The following TTC29 variants were observed in gnomAD, a reference collection of about 807,000 sequenced individuals.
TTC29 encodes the protein tetratricopeptide repeat domain 29.
In TTC29, 49 loss-of-function variants were observed where a neutral mutation model predicts 58.1. The observed-to-expected ratio is 0.84, with a 90% CI of 0.67 to 1.07. The LOEUF (loss-of-function observed/expected upper bound fraction) is 1.07, where lower values mean the gene tolerates loss of function less well. Ranked by LOEUF, TTC29 falls within the 50% of genes least tolerant of loss-of-function variation. The pLI, the probability that TTC29 is intolerant of heterozygous loss-of-function variation, is 0.00. For synonymous variants in TTC29, 209 were observed against 196.8 expected (o/e 1.06, Z -0.52); for missense variants, 582 against 555.6 (o/e 1.05, Z -0.48).
At chr4:146,879,214 A>G (rs1224244462) in intron 6 of TTC29, among the ~76,000 whole-genome samples, 1 of 152,214 alleles carries the variant, frequency 6.6e-6, no homozygotes, top group Non-Finnish European at 1.5e-5. Context: ...TTTAAAGCAT[A>G]TATTATGATA....
At chr4:146,913,381 GTGCTTT>G (rs1734019023) in intron 4 of TTC29, among the ~76,000 whole-genome samples, 1 of 152,116 alleles carries the variant, frequency 6.6e-6, no homozygotes, top group African/African-American at 2.4e-5. Flanking sequence ...GAAGATGAAG[GTGCTTT>G]TGCTGGATTT....
At chr4:146,759,485 A>G (rs1447885543) in intron 11 of TTC29, among the ~76,000 whole-genome samples, 2 of 152,084 alleles carry the variant, frequency 1.3e-5, no homozygotes, top group Non-Finnish European at 2.9e-5. Context: ...ATAACCAAAA[A>G]AGAAAACTAC....
At chr4:146,844,949 G>C (rs781038390) in intron 8 of TTC29, among the ~76,000 whole-genome samples, 1 of 152,188 alleles carries the variant, frequency 6.6e-6, no homozygotes, top group Non-Finnish European at 1.5e-5. Context: ...CAACTGACTC[G>C]TGTCAGCAGA....
At chr4:146,862,620 C>T (rs564062287) in intron 8 of TTC29, among the ~76,000 whole-genome samples, 1 of 152,278 alleles carries the variant, frequency 6.6e-6, no homozygotes, top group African/African-American at 2.4e-5. Context: ...TTGGCTTCTG[C>T]AAGTCTACAG....
chr4:146,738,375 G>A (rs754561364), intron 11 of TTC29, among the ~76,000 whole-genome samples: 3 of 152,188 alleles, frequency 2.0e-5, no homozygotes, highest in Non-Finnish European at 4.4e-5. Context: ...GGGGGAAGCT[G>A]TGTATTTGCC....
At chr4:146,893,135 C>T (rs1732500487) in intron 6 of TTC29, among the ~76,000 whole-genome samples, 1 of 152,174 alleles carries the variant, frequency 6.6e-6, no homozygotes, top group Non-Finnish European at 1.5e-5. Context: ...AGTGCCATCC[C>T]CATCAAGCTA....
At chr4:146,942,577 A>G in intron 2 of TTC29, 1 of 1,529,260 alleles carries the variant, frequency 6.5e-7, no homozygotes. Context: ...GCCTCCCAAG[A>G]GCTTACTTCA....
rs536603142 is a variant in TTC29 at position 146,852,720 on chromosome 4, T to C, written c.885+14778A>G. 5.9e-5 allele frequency among the ~76,000 whole-genome samples: 9 copies of C among 152,350 alleles called. No homozygotes were observed. The South Asian group carries it at 1.9e-3, about 32-fold the overall frequency. On this transcript the variant is annotated intron_variant, in intron 8 of 12. Transcript: ENST00000325106. ...ATGCAGTCTTGCACTACAGGAACAA[T>C]CTACCTGACCAAAAAGAAACTTCTC...
chr4:146,830,394 G>A lies in TTC29; in HGVS notation c.977+3412C>T, dbSNP rs541193143. 6.6e-5 allele frequency among the ~76,000 whole-genome samples: 10 copies of A among 152,154 alleles called. No individual in the cohort carries two copies. In the South Asian group the frequency reaches 2.1e-3, roughly 32 times the overall value. On this transcript the variant is annotated intron_variant, in intron 9 of 12. Transcript: ENST00000325106. Reference sequence around the variant, plus strand: ...GATTGTGGTGTGTTTTTCAATTGAGGGCTTAGTATAAATTCTTATAACCAT... The same window carrying A: ...GATTGTGGTGTGTTTTTCAATTGAGAGCTTAGTATAAATTCTTATAACCAT...
intron 2 of TTC29, among the ~76,000 whole-genome samples, chr4:146,943,518 G>C (rs1033616044): frequency 6.6e-6 from 1 of 152,120 alleles, no homozygotes; most frequent in Non-Finnish European, 1.5e-5. Flanking sequence ...AGTTGAACAG[G>C]CTTTCTCTTT....
chr4:146,909,846 C>T (rs1579964113), intron 4 of TTC29, among the ~76,000 whole-genome samples: 4 of 151,988 alleles, frequency 2.6e-5, no homozygotes, highest in Admixed American at 6.6e-5. Flanking sequence ...TTTAGTCAAG[C>T]GACAAATAGG....
chr4:146,711,382 A>G (rs1329604128), intron 11 of TTC29, among the ~76,000 whole-genome samples: 1 of 152,150 alleles, frequency 6.6e-6, no homozygotes, highest in Admixed American at 6.6e-5. Flanking sequence ...TAAAGGGATT[A>G]CTTTTGAATA....
chr4:146,747,295 C>T (rs2150042836), intron 11 of TTC29, among the ~76,000 whole-genome samples: 1 of 152,268 alleles, frequency 6.6e-6, no homozygotes, highest in East Asian at 1.9e-4. Context: ...ACTGGAGCCA[C>T]TGCTAGAGTG....
At chr4:146,932,189 T>A (rs1488022306) in intron 4 of TTC29, among the ~76,000 whole-genome samples, 1 of 152,154 alleles carries the variant, frequency 6.6e-6, no homozygotes, top group Non-Finnish European at 1.5e-5. Context: ...TTTAAAAAAA[T>A]TCATGAGAAA....
chr4:146,744,226 AAGAG>A (rs150088714), intron 11 of TTC29, among the ~76,000 whole-genome samples: 1 of 151,218 alleles, frequency 6.6e-6, no homozygotes, highest in Admixed American at 6.6e-5. Flanking sequence ...GCGTACGTGT[AAGAG>A]AGAGAGAGAG....
intron 11 of TTC29, among the ~76,000 whole-genome samples, chr4:146,751,304 T>G (rs1409327351): frequency 2.0e-5 from 3 of 152,128 alleles, no homozygotes; most frequent in Admixed American, 1.3e-4. Flanking sequence ...GATAAATCAA[T>G]AAGACATAAA....
chr4:146,909,233 T>C lies in TTC29; in HGVS notation c.193A>G (p.Lys65Glu), dbSNP rs775078880. The stretch of plus-strand genomic sequence containing the variant: ...AGCATGTCCACACAGATATTCTTCT[T>C]GTAGGAGTTCCTATAACTGGAAATA... The part of the protein sequence containing the change: ...EEVAAYRNSY[K>E]KNICVDMLRD... Residue 65 changes from lysine (K) to glutamate (E), a missense_variant, in exon 5 of 13, where the codon AAG becomes GAG. Coordinates refer to ENST00000325106, the MANE Select transcript of TTC29 (RefSeq NM_031956.4). 5 of 1,612,144 alleles carry C rather than the reference T, an allele frequency of 3.1e-6. No individual in the cohort carries two copies. The Admixed American group carries it at 8.3e-5, about 27-fold the overall frequency.
chr4:146,879,158 C>T (rs1561214245), intron 6 of TTC29, among the ~76,000 whole-genome samples: 1 of 152,132 alleles, frequency 6.6e-6, no homozygotes, highest in Non-Finnish European at 1.5e-5. Flanking sequence ...CAAATGACCA[C>T]AAGCACACAA....
chr4:146,780,872 C>CTTGT (rs1349253578), intron 11 of TTC29, among the ~76,000 whole-genome samples: 10 of 151,996 alleles, frequency 6.6e-5, no homozygotes, highest in African/African-American at 2.4e-4. Context: ...GATAGCTTCT[C>CTTGT]TTGTTTCCTT....
Sources: allele counts gnomAD v4.1 joint callset (sites outside exome capture counted in the v4.1 genomes callset), GRCh38; gene constraint gnomAD v4.1.1; transcripts MANE v1.5; gene names NCBI Gene and HGNC (gene_info 2026-07-23, HGNC 2026-07-21).